Variants in SLC27A6 observed in about 807,000 individuals in gnomAD.
SLC27A6 encodes the protein long-chain fatty acid transport protein 6.
A neutral mutation model predicts 63.9 loss-of-function variants in SLC27A6; 74 were observed. The ratio of observed to expected loss-of-function variants is 1.16; its 90% CI spans 0.96 to 1.40. The LOEUF is 1.40. SLC27A6 is among the 40% of genes most tolerant of loss of function. The pLI is 0.00. For synonymous variants in SLC27A6, 287 were observed against 260.8 expected (o/e 1.10, Z -0.97); for missense variants, 794 against 732.9 (o/e 1.08, Z -0.96).
chr5:128,985,722 ATTAGT>A (rs1750765182), intron 2 of SLC27A6, among the ~76,000 whole-genome samples: 1 of 152,230 alleles, frequency 6.6e-6, no homozygotes, highest in Non-Finnish European at 1.5e-5. Flanking sequence ...AAATGAAGAA[ATTAGT>A]TTAAATAGTT....
chr5:128,978,128 TG>T (rs1750454640), intron 1 of SLC27A6, among the ~76,000 whole-genome samples: 1 of 152,186 alleles, frequency 6.6e-6, no homozygotes, highest in Non-Finnish European at 1.5e-5. Flanking sequence ...TCAGACTGTG[TG>T]GGAAGGAAAT....
At chr5:128,976,437 C>A (rs942284455) in intron 1 of SLC27A6, among the ~76,000 whole-genome samples, 3 of 152,184 alleles carry the variant, frequency 2.0e-5, no homozygotes, top group Non-Finnish European at 2.9e-5. Flanking sequence ...TCGCTTGAAC[C>A]TGGGAGGCGG....
chr5:129,016,115 C>A, intron 5 of SLC27A6, 36 bp downstream of exon 5: 1 of 1,461,244 alleles, frequency 6.8e-7, no homozygotes. Flanking sequence ...AGAAATACAT[C>A]GGTGCGGTGG....
At position 128,994,598 on chromosome 5, in the gene SLC27A6, C is replaced by T. The variant is rs115240031; in HGVS notation, c.969+4134C>T. ...AATGAACACGTGACATGGTCCAGGT[C>T]CTTACCTTCAAAGAATTAAAATTGA... is the stretch of plus-strand genomic sequence containing the variant. On this transcript the variant is annotated intron_variant, in intron 4 of 9. Coordinates refer to ENST00000262462, the MANE Select transcript of SLC27A6 (RefSeq NM_001017372.3). Among the ~76,000 whole-genome samples, 1,351 of 152,240 alleles carry T rather than the reference C, an allele frequency of 8.9e-3. 22 individuals are homozygous for T. Among genetic ancestry groups the T allele is most frequent in the African/African-American group, 0.029 (1,189 of 41,540 alleles).
Position 128,985,207 on chromosome 5 carries a change from G to A in SLC27A6, c.556G>A (p.Val186Ile). ...NISVWGMKDSVPQGVISLKEK... is the reference protein window; with the variant it reads ...NISVWGMKDSIPQGVISLKEK... ...CAGTGTTTGGGGGATGAAAGATTCT[G>A]TTCCACAAGGTGTAATTTCACTCAA... is the stretch of plus-strand genomic sequence containing the variant. The change falls in exon 2 of 10, where the codon GTT (valine) becomes ATT (isoleucine). Residue 186 changes from valine to isoleucine, a missense_variant. Val to Ile is a conservative substitution (Grantham distance 29). Coordinates refer to ENST00000262462, the MANE Select transcript of SLC27A6 (RefSeq NM_001017372.3). 6.2e-7 allele frequency: 1 copy of A among 1,613,916 alleles called. No homozygotes were observed. The highest frequency in any genetic ancestry group is 8.5e-7 in the Non-Finnish European group (1 of 1,179,866).
chr5:129,025,964 G>A lies in SLC27A6; in HGVS notation c.1256-1169G>A, dbSNP rs369085920. On this transcript the variant is annotated intron_variant, in intron 6 of 9. Coordinates refer to ENST00000262462, the MANE Select transcript of SLC27A6 (RefSeq NM_001017372.3). Reference sequence around the variant, plus strand: ...CAGCTGGGCAACCTGGTGAGACCTCGTGTCTACAAAAAAATTACAAAATTA... The same window carrying A: ...CAGCTGGGCAACCTGGTGAGACCTCATGTCTACAAAAAAATTACAAAATTA... Among the ~76,000 whole-genome samples, 199 of 152,112 alleles carry A rather than the reference G, an allele frequency of 1.3e-3. 1 individual carries two copies. The highest frequency in any genetic ancestry group is 4.6e-3 in the African/African-American group (192 of 41,504).
At chr5:128,992,893 C>T (rs1157175245) in intron 4 of SLC27A6, among the ~76,000 whole-genome samples, 5 of 152,164 alleles carry the variant, frequency 3.3e-5, no homozygotes, top group Non-Finnish European at 7.4e-5. Flanking sequence ...ATTCCTGTTT[C>T]CTCTCATCCT....
Position 128,966,484 on chromosome 5 carries a change from C to T in SLC27A6, c.347C>T (p.Pro116Leu), listed in dbSNP as rs1234563727. ...DTVALLMSNEPDFVHVWFGLA... is the reference protein window; with the variant it reads ...DTVALLMSNELDFVHVWFGLA... ...GTGGCTCTGCTGATGAGCAATGAGCCGGACTTCGTTCACGTGTGGTTCGGC... is the reference window on the plus strand; with the variant it reads ...GTGGCTCTGCTGATGAGCAATGAGCTGGACTTCGTTCACGTGTGGTTCGGC... Residue 116 changes from proline (P) to leucine (L), a missense_variant, in exon 1 of 10, where the codon CCG (proline) becomes CTG (leucine). Coordinates refer to ENST00000262462, the MANE Select transcript of SLC27A6 (RefSeq NM_001017372.3). 8 of 1,608,998 alleles carry T rather than the reference C, an allele frequency of 5.0e-6. No homozygotes were observed. The highest frequency in any genetic ancestry group is 4.0e-5 in the African/African-American group (3 of 74,752).
chr5:128,976,514 C>CAAACA (rs146846789), intron 1 of SLC27A6, among the ~76,000 whole-genome samples: 4,625 of 152,044 alleles, frequency 0.03, 242 homozygotes, highest in African/African-American at 0.11. Context: ...AACTCCGTCT[C>CAAACA]AAACAAAACA....
In SLC27A6 at chr5:129,001,287, A is replaced by G. The variant is rs190143095; in HGVS notation, c.969+10823A>G. ...AAAAGAAAATCTGTTCTTCTGCCCC[A>G]GTTTATGCCTATTTTTCTGCCCCAG... On this transcript the variant is annotated intron_variant, in intron 4 of 9. Transcript: ENST00000262462. Among the ~76,000 whole-genome samples the G allele has an allele frequency of 3.9e-5, 6 of 152,218 alleles. No homozygotes were observed. In the East Asian group the frequency reaches 1.2e-3, roughly 29 times the overall value.
intron 4 of SLC27A6, among the ~76,000 whole-genome samples, chr5:129,006,711 ATTT>A (rs1751553062): frequency 6.6e-6 from 1 of 152,124 alleles, no homozygotes; most frequent in Non-Finnish European, 1.5e-5. Context: ...TATATCACGT[ATTT>A]TATGTAAATT....
In SLC27A6 at chr5:129,023,664, T is replaced by G; in HGVS notation, c.1209T>G (p.Asp403Glu). 1 of 1,610,714 alleles carries G rather than the reference T, an allele frequency of 6.2e-7. No homozygotes were observed. Among genetic ancestry groups the G allele is most frequent in the Non-Finnish European group, 8.5e-7 (1 of 1,178,724 alleles). ...FDLIKYDFQK[D>E]EPMRNEQGWC... ...TAATAAAGTATGACTTTCAGAAAGA[T>G]GAACCCATGAGAAATGAGCAGGGTT... Residue 403 changes from aspartate to glutamate, a missense_variant, in exon 6 of 10, where the codon GAT becomes GAG. Transcript: ENST00000262462.
At chr5:129,016,416 A>G (rs866371124) in intron 5 of SLC27A6, among the ~76,000 whole-genome samples, 1 of 150,550 alleles carries the variant, frequency 6.6e-6, no homozygotes, top group Admixed American at 6.6e-5. Context: ...AAAAAAAAAA[A>G]AAGGAGCACC....
chr5:129,005,595 T>C (rs890376761), intron 4 of SLC27A6, among the ~76,000 whole-genome samples: 11 of 148,398 alleles, frequency 7.4e-5, no homozygotes, highest in Non-Finnish European at 1.2e-4. Flanking sequence ...GATCCATAAA[T>C]AGGTCTGGTT....
intron 1 of SLC27A6, among the ~76,000 whole-genome samples, chr5:128,972,708 C>T (rs751525325): frequency 1.3e-5 from 2 of 152,112 alleles, no homozygotes; most frequent in Admixed American, 1.3e-4. Flanking sequence ...GTGATGGTTT[C>T]GAACATCCCC....
At chr5:129,014,837 C>A (rs1171551933) in intron 4 of SLC27A6, among the ~76,000 whole-genome samples, 1 of 152,178 alleles carries the variant, frequency 6.6e-6, no homozygotes, top group Admixed American at 6.5e-5. Context: ...TGGATTTCAG[C>A]CTTATCCATT....
At chr5:129,021,155 T>A (rs1752062851) in intron 5 of SLC27A6, among the ~76,000 whole-genome samples, 1 of 149,194 alleles carries the variant, frequency 6.7e-6, no homozygotes, top group African/African-American at 2.5e-5. Flanking sequence ...AGAGACCCCA[T>A]TTCTAAATCA....
intron 1 of SLC27A6, among the ~76,000 whole-genome samples, chr5:128,977,574 T>C (rs898796695): frequency 3.3e-5 from 5 of 152,146 alleles, no homozygotes; most frequent in Admixed American, 2.6e-4. Context: ...CCCTTCAGGC[T>C]TTTATGATTT....
chr5:129,011,872 A>G (rs1209810878), intron 4 of SLC27A6, among the ~76,000 whole-genome samples: 2 of 152,180 alleles, frequency 1.3e-5, no homozygotes, highest in African/African-American at 2.4e-5. Flanking sequence ...AGACTTTACT[A>G]TCATGGAAGG....
Sources: allele counts gnomAD v4.1 joint callset (sites outside exome capture counted in the v4.1 genomes callset), GRCh38; gene constraint gnomAD v4.1.1; transcripts MANE v1.5; gene names NCBI Gene and HGNC (gene_info 2026-07-23, HGNC 2026-07-21).